The following LRP1B variants were observed in gnomAD, a reference collection of about 807,000 sequenced individuals.
LRP1B encodes the protein low-density lipoprotein receptor-related protein 1B.
In LRP1B, 217 loss-of-function variants were observed where a neutral mutation model predicts 556.6. That is an observed-to-expected ratio of 0.39 (90% CI 0.35 to 0.44). The LOEUF (loss-of-function observed/expected upper bound fraction) is 0.44, where lower values mean the gene tolerates loss of function less well. Among genes scored for constraint, LRP1B ranks in the 20% least tolerant of loss-of-function variants. The probability of loss-of-function intolerance (pLI) is 1.00; values close to 1 mark genes in which losing one functional copy is unlikely to be tolerated. For synonymous variants in LRP1B, 2,047 were observed against 1,865.8 expected, an observed-to-expected ratio of 1.10 and a Z score of -2.50; for missense variants, 5,053 against 5,620.8, an observed-to-expected ratio of 0.90 and a Z score of 3.23.
intron 1 of LRP1B, among the ~76,000 whole-genome samples, chr2:142,126,317 C>G (rs973082611): frequency 2.7e-5 from 4 of 150,848 alleles, no homozygotes; most frequent in Non-Finnish European, 4.4e-5. Flanking sequence ...TTTTCAAAAG[C>G]AAAAGTTTCA....
intron 24 of LRP1B, among the ~76,000 whole-genome samples, chr2:140,885,446 G>A (rs1278753305): frequency 6.6e-6 from 1 of 151,630 alleles, no homozygotes; most frequent in Non-Finnish European, 1.5e-5. Context: ...CGCCTCCCAG[G>A]TTCACGCAAT....
intron 32 of LRP1B, among the ~76,000 whole-genome samples, chr2:140,779,105 C>T (rs908126536): frequency 6.6e-6 from 1 of 151,748 alleles, no homozygotes; most frequent in African/African-American, 2.4e-5. Context: ...AATGGTCCTG[C>T]AACCAAAAAG....
Position 141,474,049 on chromosome 2 carries a change from C to T in LRP1B, c.343+6347G>A, listed in dbSNP as rs201154197. Among the ~76,000 whole-genome samples, 337 of 42,342 alleles carry T rather than the reference C, an allele frequency of 8.0e-3. 1 individual carries two copies. The highest frequency in any genetic ancestry group is 6.7e-3 in the African/African-American group (79 of 11,820). The allele number at this position is 42,342 out of a possible 152,430, so 27.8% of individuals were successfully genotyped here. A position where few individuals can be genotyped will look rare whatever the true frequency, so the allele number is the denominator to read the frequency against. The stretch of plus-strand genomic sequence containing the variant: ...CTTCCTTCCTTCCTTCCTTCCTTTC[C>T]TTCCTTCCTCCCTCCCTCCCTTCCT... On this transcript the variant is annotated intron_variant, in intron 3 of 90. Transcript: ENST00000389484.
intron 7 of LRP1B, among the ~76,000 whole-genome samples, chr2:141,156,636 AT>A: frequency 6.6e-6 from 1 of 151,706 alleles, no homozygotes. Flanking sequence ...AAAAAAAAAA[AT>A]CAATTCACAA....
intron 1 of LRP1B, among the ~76,000 whole-genome samples, chr2:141,827,880 G>A (rs547400880): frequency 5.8e-4 from 88 of 151,392 alleles, no homozygotes; most frequent in African/African-American, 1.9e-3. Flanking sequence ...ATGTCTTTAC[G>A]TATAATATTT....
chr2:141,320,514 G>A (rs544230153), intron 3 of LRP1B, among the ~76,000 whole-genome samples: 15 of 152,104 alleles, frequency 9.9e-5, no homozygotes, highest in African/African-American at 1.9e-4. Context: ...ACACTGATGC[G>A]GAGGACCACT....
At chr2:141,822,128 CACAGAGAGAG>C (rs1325228613) in intron 1 of LRP1B, among the ~76,000 whole-genome samples, 1 of 117,126 alleles carries the variant, frequency 8.5e-6, no homozygotes, top group African/African-American at 3.8e-5. Context: ...CACACACACA[CACAGAGAGAG>C]AGAGAGAGAG....
At chr2:140,652,140 T>C (rs1431651356) in intron 41 of LRP1B, among the ~76,000 whole-genome samples, 3 of 151,928 alleles carry the variant, frequency 2.0e-5, no homozygotes, top group Non-Finnish European at 4.4e-5. Flanking sequence ...ATGTTGGAGA[T>C]AAGGAAATAT....
chr2:141,511,502 C>A lies in LRP1B; in HGVS notation c.206-30969G>T, dbSNP rs573503075. ...TTTCTCTATTTTAAAATTAAAAACT[C>A]AAATATCTGTCAAGATAGTTTCAGG... On this transcript the variant is annotated intron_variant, in intron 2 of 90. Transcript: ENST00000389484. Among the ~76,000 whole-genome samples the A allele has an allele frequency of 2.6e-5, 4 of 152,280 alleles. No individual in the cohort carries two copies. The South Asian group carries it at 6.2e-4, about 24-fold the overall frequency.
rs200281267 is a variant in LRP1B at position 141,874,084 on chromosome 2, ATTTTTT to A, written c.83-63689_83-63684del. ...AGTAAAACAATACAATGAACTAACA[ATTTTTT>A]TTTTTTTTTTTTTTTTTTTTTTTTT... On this transcript the variant is annotated intron_variant, in intron 1 of 90. Transcript: ENST00000389484. 1.7e-3 allele frequency among the ~76,000 whole-genome samples: 171 copies of A among 103,138 alleles called. 1 individual carries two copies. The highest frequency in any genetic ancestry group is 6.5e-3 in the African/African-American group (147 of 22,704). 67.7% of individuals were successfully genotyped at this position (103,138 alleles called of 152,430 possible).
chr2:141,606,692 A>G (rs1687927464), intron 2 of LRP1B, among the ~76,000 whole-genome samples: 1 of 152,172 alleles, frequency 6.6e-6, no homozygotes, highest in South Asian at 2.1e-4. Flanking sequence ...ATGTGAAGAC[A>G]CAGCAAGTAG....
chr2:141,340,017 G>A (rs1521110), intron 3 of LRP1B, among the ~76,000 whole-genome samples: 91,605 of 151,942 alleles, frequency 0.6, 28,482 homozygotes, highest in African/African-American at 0.68. Context: ...CTCCCACTTA[G>A]AAGTGAGAGA....
chr2:141,675,386 A>C (rs1690836638), intron 2 of LRP1B, among the ~76,000 whole-genome samples: 1 of 151,784 alleles, frequency 6.6e-6, no homozygotes, highest in Non-Finnish European at 1.5e-5. Flanking sequence ...CTTTAACCCA[A>C]TCTTTGTAAA....
intron 2 of LRP1B, among the ~76,000 whole-genome samples, chr2:141,619,516 T>G (rs1688427844): frequency 6.6e-6 from 1 of 152,220 alleles, no homozygotes; most frequent in Non-Finnish European, 1.5e-5. Context: ...TGCAATTCAA[T>G]TAATTTGCAT....
At chr2:140,517,062 A>C in intron 49 of LRP1B, 51 bp from the exon 50 acceptor site, 1 of 1,333,284 alleles carries the variant, frequency 7.5e-7, no homozygotes, top group South Asian at 1.2e-5. Flanking sequence ...CTTCTGAAAT[A>C]TAGGTAGATA....
At chr2:140,416,057 G>A (rs937588329) in intron 66 of LRP1B, among the ~76,000 whole-genome samples, 1 of 152,270 alleles carries the variant, frequency 6.6e-6, no homozygotes, top group East Asian at 1.9e-4. Context: ...TAGGAACCAG[G>A]CCGCACAGCA....
intron 1 of LRP1B, among the ~76,000 whole-genome samples, chr2:141,976,645 T>TA (rs747246065): frequency 4.1e-4 from 62 of 152,112 alleles, no homozygotes; most frequent in Non-Finnish European, 3.1e-4. Flanking sequence ...TATTCACCAT[T>TA]TACCACTACC....
intron 29 of LRP1B, 60 bp downstream of exon 29, chr2:140,850,042 T>C: frequency 9.5e-7 from 1 of 1,051,710 alleles, no homozygotes; most frequent in South Asian, 1.4e-5. Flanking sequence ...AAAAGATTTG[T>C]GATTATTACA....
intron 35 of LRP1B, among the ~76,000 whole-genome samples, chr2:140,727,678 G>A (rs1008622548): frequency 6.6e-6 from 1 of 152,150 alleles, no homozygotes; most frequent in African/African-American, 2.4e-5. Flanking sequence ...AATCATTCCA[G>A]CCAGAGTGAT....
Sources: gnomAD v4.1 joint callset for allele counts (sites outside exome capture counted in the v4.1 genomes callset) on GRCh38, gnomAD v4.1.1 for gene constraint, MANE v1.5 for transcripts, NCBI Gene and HGNC (gene_info 2026-07-23, HGNC 2026-07-21) for gene names.